The following PTPRB variants were observed in gnomAD, a reference collection of about 807,000 sequenced individuals.
PTPRB encodes the protein protein tyrosine phosphatase receptor type B, also known as receptor-type tyrosine-protein phosphatase beta.
A neutral mutation model predicts 238.1 loss-of-function variants in PTPRB; 97 were observed. The ratio of observed to expected loss-of-function variants is 0.41; its 90% CI spans 0.35 to 0.48. PTPRB has a LOEUF of 0.48. Ranked by LOEUF, PTPRB falls within the 20% of genes least tolerant of loss-of-function variation. The pLI, the probability that PTPRB is intolerant of heterozygous loss-of-function variation, is 0.30. For synonymous variants in PTPRB, 970 were observed against 995.4 expected (o/e 0.97, Z 0.48); for missense variants, 2,292 against 2,681.9 (o/e 0.85, Z 3.21).
rs375405938 is a variant in PTPRB at position 70,534,875 on chromosome 12, G to A, written c.6162C>T (p.Ser2054=). The change falls in exon 30 of 34, where the codon TCC becomes TCT. Residue 2054 remains serine, a synonymous_variant. Coordinates refer to ENST00000334414, the MANE Select transcript of PTPRB (RefSeq NM_001109754.4). ...CCCGGATGGTCCACTCAGGCAGGAC[G>A]GACTCTGAGAGCATCTGCAGGATGA... ...GDLILQMLSE[S]VLPEWTIREF... The A allele has an allele frequency of 1.0e-4, 168 of 1,613,814 alleles. No individual in the cohort carries two copies. Among genetic ancestry groups the A allele is most frequent in the Middle Eastern group, 1.6e-4 (1 of 6,084 alleles).
At chr12:70,599,383 G>A (rs911932909) in intron 4 of PTPRB, among the ~76,000 whole-genome samples, 16 of 152,092 alleles carry the variant, frequency 1.1e-4, no homozygotes, top group Non-Finnish European at 2.4e-4. Context: ...AGGTATCAAT[G>A]CACAGATGTG....
chr12:70,625,354 C>G (rs371881275), intron 2 of PTPRB, among the ~76,000 whole-genome samples: 82 of 152,244 alleles, frequency 5.4e-4, no homozygotes, highest in African/African-American at 1.9e-3. Context: ...ATTTAGCAGA[C>G]TTGGTGTGGG....
rs769928835 is a variant in PTPRB at position 70,590,101 on chromosome 12, A to C, written c.1913T>G (p.Leu638Arg). The C allele has an allele frequency of 2.2e-5, 35 of 1,613,838 alleles. No individual in the cohort carries two copies. The South Asian group carries it at 3.6e-4, about 17-fold the overall frequency. The part of the protein sequence containing the change: ...ILLFNDSVVL[L>R]NITVGKEETQ... ...TTCTTCCTTTCCCACAGTGATGTTG[A>C]GCAGCACCACAGAATCATTGAAGAG... The change falls in exon 8 of 34, where the codon CTC becomes CGC. Residue 638 changes from leucine (L) to arginine (R), a missense_variant. Around this residue, in one of 4 missense-constraint regions of PTPRB, gnomAD observed 1,205 missense variants for 1,287.8 expected, o/e 0.94. Coordinates refer to ENST00000334414, the MANE Select transcript of PTPRB (RefSeq NM_001109754.4).
chr12:70,556,191 GA>G, intron 18 of PTPRB, 43 bp from the exon 19 acceptor site: 1 of 1,490,392 alleles, frequency 6.7e-7, no homozygotes. Flanking sequence ...AACTCAGGGA[GA>G]ATTTTTTTTT....
chr12:70,549,827 A>G (rs1433036452), intron 21 of PTPRB, among the ~76,000 whole-genome samples: 1 of 152,220 alleles, frequency 6.6e-6, no homozygotes, highest in African/African-American at 2.4e-5. Context: ...ATATTGGAGA[A>G]ATATAGGAAA....
rs544744718 is a variant in PTPRB, at chr12:70,521,437, AAAC to A, written c.*49_*51del. On this transcript the variant is annotated 3_prime_UTR_variant, in exon 34 of 34. Coordinates refer to ENST00000334414, the MANE Select transcript of PTPRB (RefSeq NM_001109754.4). ...TGTAGGGCATGAAGCAAGTTTTTAA[AAAC>A]AAATCACACAGTGAATAATTTTTAT... The A allele has an allele frequency of 1.8e-4, 268 of 1,485,546 alleles. No homozygotes were observed. The African/African-American group carries it at 3.5e-3, about 19-fold the overall frequency. The allele number at this position is 1,485,546 out of a possible 1,614,324, so 92.0% of individuals were successfully genotyped here. A position where few individuals can be genotyped will look rare whatever the true frequency, so the allele number is the denominator to read the frequency against.
intron 29 of PTPRB, among the ~76,000 whole-genome samples, chr12:70,535,533 CTCTTTTAATCCTCAA>C (rs1432879764): frequency 5.3e-5 from 8 of 152,268 alleles, no homozygotes; most frequent in South Asian, 2.1e-4. Flanking sequence ...TACGTAATCT[CTCTTTTAATCCTCAA>C]TCTTTTAATC....
chr12:70,625,035 A>G (rs1317975639), intron 2 of PTPRB, among the ~76,000 whole-genome samples: 1 of 152,174 alleles, frequency 6.6e-6, no homozygotes, highest in Non-Finnish European at 1.5e-5. Flanking sequence ...TTATGTCATT[A>G]TCTTTAATTA....
At chr12:70,526,241 C>T (rs910613907) in intron 32 of PTPRB, among the ~76,000 whole-genome samples, 4 of 152,166 alleles carry the variant, frequency 2.6e-5, no homozygotes, top group African/African-American at 7.2e-5. Context: ...CTTGTTCTGT[C>T]GCCTAAGCTG....
At position 70,538,203 on chromosome 12, in the gene PTPRB, A is replaced by G. The variant is rs1874473689; in HGVS notation, c.5898T>C (p.Asn1966=). 6.2e-7 allele frequency: 1 copy of G among 1,613,702 alleles called. No individual in the cohort carries two copies. Among genetic ancestry groups the G allele is most frequent in the East Asian group, 2.2e-5 (1 of 44,868 alleles). The change falls in exon 28 of 34, where the codon AAT becomes AAC. Residue 1966 remains asparagine, a synonymous_variant. Transcript: ENST00000334414. ...PYDATRVKLS[N]VDDDPCSDYI... ...AGTCAGAGCAAGGATCATCATCTACATTGGAGAGCTTCACTCGCGTGGCAT... is the reference window on the plus strand; with the variant it reads ...AGTCAGAGCAAGGATCATCATCTACGTTGGAGAGCTTCACTCGCGTGGCAT...
chr12:70,601,844 T>C (rs1384293307), intron 4 of PTPRB, among the ~76,000 whole-genome samples: 2 of 148,264 alleles, frequency 1.3e-5, no homozygotes, highest in East Asian at 2.0e-4. Flanking sequence ...CAGGCTGGAG[T>C]GCAGTGGCAT....
At chr12:70,565,241 G>A (rs964251235) in intron 15 of PTPRB, among the ~76,000 whole-genome samples, 1 of 151,972 alleles carries the variant, frequency 6.6e-6, no homozygotes, top group Non-Finnish European at 1.5e-5. Context: ...TTACTCTCTG[G>A]CTAAAAGTTT....
At chr12:70,544,033 T>C (rs991145198) in intron 22 of PTPRB, among the ~76,000 whole-genome samples, 2 of 152,224 alleles carry the variant, frequency 1.3e-5, no homozygotes, top group Admixed American at 6.5e-5. Context: ...GAGAAGTCTC[T>C]TTCAGAAATT....
intron 4 of PTPRB, among the ~76,000 whole-genome samples, chr12:70,599,436 G>T (rs562405644): frequency 1.6e-4 from 25 of 152,094 alleles, no homozygotes; most frequent in African/African-American, 6.0e-4. Context: ...ACACTCATAC[G>T]CATAGTAACC....
chr12:70,541,555 A>G (rs1425522992), intron 22 of PTPRB: 2 of 152,254 alleles, frequency 1.3e-5, no homozygotes, highest in East Asian at 1.9e-4. Flanking sequence ...TGTCACCACA[A>G]TCAATTTTAA....
At chr12:70,594,009 T>A (rs1012489832) in intron 6 of PTPRB, among the ~76,000 whole-genome samples, 25 of 152,200 alleles carry the variant, frequency 1.6e-4, no homozygotes, top group African/African-American at 5.8e-4. Flanking sequence ...TAGTCTAGGG[T>A]AGGCTGTGGG....
Position 70,563,907 on chromosome 12 carries a change from A to G in PTPRB, c.3905-800T>C, listed in dbSNP as rs115882948. Among the ~76,000 whole-genome samples, 803 of 152,118 alleles carry G rather than the reference A, an allele frequency of 5.3e-3. 3 individuals carry two copies. The highest frequency in any genetic ancestry group is 0.018 in the African/African-American group (754 of 41,498). On this transcript the variant is annotated intron_variant, in intron 15 of 33. Transcript: ENST00000334414. The stretch of plus-strand genomic sequence containing the variant: ...GCAAAAATATTTCTTGACTGTACCC[A>G]CTATTCTTCACCAGGGCCCCTGCAT...
intron 14 of PTPRB, among the ~76,000 whole-genome samples, chr12:70,567,783 C>A (rs549177256): frequency 2.6e-4 from 39 of 152,316 alleles, no homozygotes; most frequent in African/African-American, 8.7e-4. Flanking sequence ...CACAGGCAAA[C>A]AAAGCTCTTT....
At chr12:70,542,914 AT>A (rs1875404379) in intron 22 of PTPRB, 1 of 151,054 alleles carries the variant, frequency 6.6e-6, no homozygotes, top group Non-Finnish European at 1.5e-5. Flanking sequence ...AAGGAAAAAA[AT>A]ATATATATTA....
Sources: allele counts gnomAD v4.1 joint callset (sites outside exome capture counted in the v4.1 genomes callset), GRCh38; gene constraint gnomAD v4.1.1; regional missense constraint gnomAD v4.1.1; transcripts MANE v1.5; gene names NCBI Gene and HGNC (gene_info 2026-07-23, HGNC 2026-07-21).